INKA2: variants seen among roughly 807,000 people sequenced by gnomAD.
The protein encoded by INKA2 is inka box actin regulator 2, also known as PAK4-inhibitor INKA2.
INKA2 carries 3 observed loss-of-function variants against 9.8 expected under a neutral mutation model. The ratio of observed to expected loss-of-function variants is 0.31; its 90% CI spans 0.14 to 0.79. The LOEUF is 0.79. INKA2 is among the 30% of genes least tolerant of loss of function. The pLI, the probability that INKA2 is intolerant of heterozygous loss-of-function variation, is 0.62. For missense variants in INKA2, 392 were observed against 384.4 expected, an observed-to-expected ratio of 1.02 and a Z score of -0.17; for synonymous variants, 147 against 143.3, an observed-to-expected ratio of 1.03 and a Z score of -0.18.
chr1:111,731,442 CT>C (rs1662902857), intron 1 of INKA2, among the ~76,000 whole-genome samples: 1 of 152,074 alleles, frequency 6.6e-6, no homozygotes, highest in South Asian at 2.1e-4. Flanking sequence ...CCTCCGCCTC[CT>C]GGGTTCAAGC....
chr1:111,745,293 A>ATATATATATTTTTTT (rs1358304932), intron 1 of INKA2: 2 of 49,272 alleles, frequency 4.1e-5, no homozygotes, highest in African/African-American at 7.1e-5. Flanking sequence ...ATATATATAT[A>ATATATATATTTTTTT]TTTTTTTTTT....
At chr1:111,742,499 C>T (rs975259901), upstream of INKA2, among the ~76,000 whole-genome samples, 3 of 152,178 alleles carry the variant, frequency 2.0e-5, no homozygotes, top group African/African-American at 4.8e-5. Flanking sequence ...GCAGTAGAAT[C>T]GCCTGAACCG....
chr1:111,741,324 G>C (rs1663146517), upstream of INKA2, among the ~76,000 whole-genome samples: 4 of 152,212 alleles, frequency 2.6e-5, no homozygotes, highest in Admixed American at 2.6e-4. Flanking sequence ...GGCTGAACTT[G>C]GTCGGTGACC....
chr1:111,754,881 G>C (rs927002629), intron 1 of INKA2: 1 of 152,282 alleles, frequency 6.6e-6, no homozygotes, highest in African/African-American at 2.4e-5. Context: ...TTTCAGGTAG[G>C]TATAAGTATC....
chr1:111,745,231 TACACACACACACAC>T (rs67643173), intron 1 of INKA2: 2 of 112,724 alleles, frequency 1.8e-5, no homozygotes, highest in East Asian at 2.3e-4. Flanking sequence ...CAAGCAAATA[TACACACACACACAC>T]ACACACACAC....
chr1:111,739,328 C>CCGCCCCTG lies in INKA2; in HGVS notation c.-94_-87dup. 14 of 1,582,564 alleles carry CCGCCCCTG rather than the reference C, an allele frequency of 8.8e-6. No individual in the cohort carries two copies. The highest frequency in any genetic ancestry group is 1.1e-5 in the Non-Finnish European group (13 of 1,164,576). On this transcript the variant is annotated 5_prime_UTR_variant, in exon 1 of 2. Coordinates refer to ENST00000357260, the MANE Select transcript of INKA2 (RefSeq NM_019099.5). ...GGAAACTGCGCTCCGGGCCGGCTCC[C>CCGCCCCTG]CGCCCCTGCGCCCGTAGCGCTCGCA...
At chr1:111,745,294 T>TATATATATATATATATATATATA (rs372884823) in intron 1 of INKA2, 1 of 35,936 alleles carries the variant, frequency 2.8e-5, no homozygotes, top group Non-Finnish European at 4.5e-5. Context: ...TATATATATA[T>TATATATATATATATATATATATA]TTTTTTTTTT....
At chr1:111,741,401 C>T (rs575692569), upstream of INKA2, among the ~76,000 whole-genome samples, 1 of 152,350 alleles carries the variant, frequency 6.6e-6, no homozygotes, top group East Asian at 1.9e-4. Flanking sequence ...GCCTTTTCTG[C>T]AGCTGTGGGC....
chr1:111,729,534 T>C (rs1662859757), intron 1 of INKA2, among the ~76,000 whole-genome samples: 1 of 152,190 alleles, frequency 6.6e-6, no homozygotes, highest in Non-Finnish European at 1.5e-5. Context: ...GGGGGCTGTG[T>C]CTGATAACAT....
In INKA2 at chr1:111,723,226, T is replaced by C. The variant is rs1571586697; in HGVS notation, c.*3742A>G. On this transcript the variant is annotated 3_prime_UTR_variant, in exon 2 of 2. Transcript: ENST00000357260. ...AAACGATGGTGTGACTTGGGAAAGA[T>C]GGAGGAGCCTCTCCCCAACAAGGCC... The C allele has an allele frequency of 1.7e-6, 1 of 599,548 alleles. No individual in the cohort carries two copies. Among genetic ancestry groups the C allele is most frequent in the Non-Finnish European group, 3.0e-6 (1 of 335,894 alleles). 37.1% of individuals were successfully genotyped at this position (599,548 alleles called of 1,614,324 possible).
At chr1:111,731,885 A>G (rs1255737979) in intron 1 of INKA2, among the ~76,000 whole-genome samples, 28 of 152,228 alleles carry the variant, frequency 1.8e-4, no homozygotes, top group Admixed American at 1.8e-3. Context: ...GGAGAAGCAC[A>G]AGGAGAAGGT....
intron 1 of INKA2, among the ~76,000 whole-genome samples, chr1:111,752,360 C>T (rs1448437573): frequency 1.3e-5 from 2 of 152,230 alleles, no homozygotes; most frequent in Non-Finnish European, 2.9e-5. Flanking sequence ...TTCAGTAGCA[C>T]CCTGCACTTT....
intron 1 of INKA2, among the ~76,000 whole-genome samples, chr1:111,749,459 T>C (rs1055299428): frequency 1.3e-5 from 2 of 150,242 alleles, no homozygotes; most frequent in African/African-American, 2.5e-5. Context: ...CGCGCGCGCG[T>C]GCTAGGGAGC....
chr1:111,731,168 C>T (rs769236625), intron 1 of INKA2, among the ~76,000 whole-genome samples: 2 of 152,198 alleles, frequency 1.3e-5, no homozygotes, highest in Non-Finnish European at 2.9e-5. Flanking sequence ...ATTCAAGCTG[C>T]CCATAAAACA....
In INKA2 at chr1:111,723,039, GA is replaced by G. The variant is rs1359361965; in HGVS notation, c.*3928del. 1.4e-6 allele frequency: 1 copy of G among 701,904 alleles called. No individual in the cohort carries two copies. The highest frequency in any genetic ancestry group is 1.7e-5 in the African/African-American group (1 of 57,216). 43.5% of individuals were successfully genotyped at this position (701,904 alleles called of 1,614,324 possible). On this transcript the variant is annotated 3_prime_UTR_variant, in exon 2 of 2. Coordinates refer to ENST00000357260, the MANE Select transcript of INKA2 (RefSeq NM_019099.5). The stretch of plus-strand genomic sequence containing the variant: ...ACATGCTCAAGCTTCCACAGTGACA[GA>G]GGGGGCTCTCAAATCTTAACTCCAA...
chr1:111,747,663 A>G (rs968911670), intron 1 of INKA2: 1 of 152,222 alleles, frequency 6.6e-6, no homozygotes, highest in Non-Finnish European at 1.5e-5. Context: ...TCTGGTAATC[A>G]GTGTGCACCA....
At chr1:111,753,479 T>A (rs928918679) in intron 1 of INKA2, among the ~76,000 whole-genome samples, 2 of 152,258 alleles carry the variant, frequency 1.3e-5, no homozygotes, top group Non-Finnish European at 2.9e-5. Context: ...TTCACCATGG[T>A]TCCCAATAAC....
Position 111,739,318 on chromosome 1 carries a change from G to GGCCGGCTCCCCGCCCCTGC in INKA2, c.-95_-77dup. On this transcript the variant is annotated 5_prime_UTR_variant, in exon 1 of 2. Transcript: ENST00000357260. ...CGGCCCCACTGGAAACTGCGCTCCGGGCCGGCTCCCCGCCCCTGCGCCCGT... is the reference window on the plus strand; with the variant it reads ...CGGCCCCACTGGAAACTGCGCTCCGGGCCGGCTCCCCGCCCCTGCGCCGGCTCCCCGCCCCTGCGCCCGT... 6 of 1,593,324 alleles carry GGCCGGCTCCCCGCCCCTGC rather than the reference G, an allele frequency of 3.8e-6. No individual in the cohort carries two copies. The highest frequency in any genetic ancestry group is 3.4e-6 in the Non-Finnish European group (4 of 1,170,084).
chr1:111,749,103 C>T (rs576115043), intron 1 of INKA2, among the ~76,000 whole-genome samples: 15 of 152,352 alleles, frequency 9.8e-5, no homozygotes, highest in Non-Finnish European at 1.8e-4. Flanking sequence ...GCTGTGCCAT[C>T]ACTGATGGCC....
Sources: allele counts gnomAD v4.1 joint callset (sites outside exome capture counted in the v4.1 genomes callset), GRCh38; gene constraint gnomAD v4.1.1; transcripts MANE v1.5; gene names NCBI Gene and HGNC (gene_info 2026-07-23, HGNC 2026-07-21).